Variants in RAB11FIP3 observed in about 807,000 individuals in gnomAD.
RAB11FIP3 encodes rab11 family-interacting protein 3.
A neutral mutation model predicts 77.8 loss-of-function variants in RAB11FIP3; 17 were observed. The observed-to-expected ratio is 0.22, with a 90% CI of 0.15 to 0.33. The LOEUF is 0.33. Ranked by LOEUF, RAB11FIP3 falls within the 10% of genes least tolerant of loss-of-function variation. The probability of loss-of-function intolerance (pLI) is 1.00; values close to 1 mark genes in which losing one functional copy is unlikely to be tolerated. For synonymous variants in RAB11FIP3, 437 were observed against 448.2 expected, an observed-to-expected ratio of 0.98 and a Z score of 0.31; for missense variants, 1,005 against 1,011.2, an observed-to-expected ratio of 0.99 and a Z score of 0.08.
At chr16:452,045 A>T (rs2055417378) in intron 1 of RAB11FIP3, among the ~76,000 whole-genome samples, 1 of 152,140 alleles carries the variant, frequency 6.6e-6, no homozygotes, top group South Asian at 2.1e-4. Flanking sequence ...GCTACTCGGG[A>T]GGCTGATGAG....
chr16:472,055 C>G lies in RAB11FIP3; in HGVS notation c.903+666C>G, dbSNP rs890907170. Among the ~76,000 whole-genome samples the G allele has an allele frequency of 6.6e-6, 1 of 152,170 alleles. No individual in the cohort carries two copies. Among genetic ancestry groups the G allele is most frequent in the Admixed American group, 6.5e-5 (1 of 15,274 alleles). On this transcript the variant is annotated intron_variant, in intron 3 of 13. Coordinates refer to ENST00000262305, the MANE Select transcript of RAB11FIP3 (RefSeq NM_014700.4). This position sits in a 1 kb window ranked among gnomAD's most constrained non-coding sequence, Gnocchi z 4.1. ...CCGCCAGTCCTGGTCAGCCTGCTGC[C>G]GAGCAAGGGTACCAGAAGTGGGGCT...
At chr16:438,464 G>A (rs1214132856) in intron 1 of RAB11FIP3, among the ~76,000 whole-genome samples, 1 of 144,738 alleles carries the variant, frequency 6.9e-6, no homozygotes, top group African/African-American at 2.6e-5. Context: ...GGAGTGCAGT[G>A]GCACTATCTC....
intron 6 of RAB11FIP3, among the ~76,000 whole-genome samples, chr16:500,687 CAAAAAAAAAAAAAAAA>C (rs56771770): frequency 9.0e-5 from 2 of 22,306 alleles, no homozygotes; most frequent in Admixed American, 7.3e-4. Flanking sequence ...GACTCTGTCG[CAAAAAAAAAAAAAAAA>C]AAAAAAAAAA....
chr16:491,441 C>T (rs754749978), intron 5 of RAB11FIP3, among the ~76,000 whole-genome samples: 2 of 151,978 alleles, frequency 1.3e-5, no homozygotes, highest in South Asian at 4.1e-4. Context: ...AGGGCCCTGC[C>T]TCCTCCCCTG....
At chr16:450,305 GACC>G (rs1339088384) in intron 1 of RAB11FIP3, among the ~76,000 whole-genome samples, 1 of 152,046 alleles carries the variant, frequency 6.6e-6, no homozygotes, top group Non-Finnish European at 1.5e-5. Context: ...GAGTAGCTGG[GACC>G]ACAAGCATGC....
At chr16:515,983 C>T (rs188950618) in intron 9 of RAB11FIP3, among the ~76,000 whole-genome samples, 167 of 152,268 alleles carry the variant, frequency 1.1e-3, no homozygotes, top group Non-Finnish European at 1.9e-3. Flanking sequence ...GTCCTCCTGA[C>T]GAACACCTGA....
At chr16:437,351 C>T (rs1484515111) in intron 1 of RAB11FIP3, among the ~76,000 whole-genome samples, 1 of 151,680 alleles carries the variant, frequency 6.6e-6, no homozygotes, top group Non-Finnish European at 1.5e-5. Context: ...GGCGGATCAC[C>T]TGAGGTCAGG....
At chr16:435,033 G>C (rs928702859) in intron 1 of RAB11FIP3, among the ~76,000 whole-genome samples, 1 of 152,002 alleles carries the variant, frequency 6.6e-6, no homozygotes, top group African/African-American at 2.4e-5. Context: ...GTGAAACCCC[G>C]TCTCTACGAA....
intron 8 of RAB11FIP3, 53 bp from the exon 9 acceptor site, chr16:510,607 G>A: frequency 6.5e-6 from 10 of 1,528,784 alleles, no homozygotes; most frequent in Non-Finnish European, 8.8e-6. Context: ...CATGGGTGGA[G>A]CCACTGCACA....
chr16:521,049 C>T lies in RAB11FIP3; in HGVS notation c.*210C>T, dbSNP rs2141916333. 2 of 587,876 alleles carry T rather than the reference C, an allele frequency of 3.4e-6. No homozygotes were observed. Among genetic ancestry groups the T allele is most frequent in the East Asian group, 2.8e-5 (1 of 35,332 alleles). 36.4% of individuals were successfully genotyped at this position (587,876 alleles called of 1,614,324 possible). A position where few individuals can be genotyped will look rare whatever the true frequency, so the allele number is the denominator to read the frequency against. On this transcript the variant is annotated 3_prime_UTR_variant, in exon 14 of 14. Coordinates refer to ENST00000262305, the MANE Select transcript of RAB11FIP3 (RefSeq NM_014700.4). ...GAGAGGAGAGGGAGAAAGGGAAGTCCCAGGGCCCGGGGTCCACAGAGGATG... is the reference window on the plus strand; with the variant it reads ...GAGAGGAGAGGGAGAAAGGGAAGTCTCAGGGCCCGGGGTCCACAGAGGATG...
chr16:428,452 C>T (rs1478580694), intron 1 of RAB11FIP3, among the ~76,000 whole-genome samples: 1 of 152,146 alleles, frequency 6.6e-6, no homozygotes, highest in Non-Finnish European at 1.5e-5. Flanking sequence ...TTCAGTACAG[C>T]AAAGAAGTTA....
intron 6 of RAB11FIP3, among the ~76,000 whole-genome samples, chr16:498,519 G>T (rs1445348174): frequency 2.0e-5 from 3 of 151,982 alleles, no homozygotes; most frequent in African/African-American, 4.8e-5. Context: ...TCTTTTCTTG[G>T]CTTTCTTTTC....
chr16:434,758 G>A (rs1277989575), intron 1 of RAB11FIP3, among the ~76,000 whole-genome samples: 1 of 151,990 alleles, frequency 6.6e-6, no homozygotes, highest in African/African-American at 2.4e-5. Flanking sequence ...CTTGTCCCCA[G>A]GAAGATTCAG....
At chr16:469,224 T>G (rs902886608) in intron 2 of RAB11FIP3, among the ~76,000 whole-genome samples, 2 of 151,836 alleles carry the variant, frequency 1.3e-5, no homozygotes, top group Non-Finnish European at 2.9e-5. Context: ...TACAGGCACA[T>G]ACCACCATGC....
rs373891376 is a variant in RAB11FIP3, at chr16:507,374, A to G, written c.1499+1747A>G. On this transcript the variant is annotated intron_variant, in intron 8 of 13. Transcript: ENST00000262305. This position sits in a 1 kb window ranked among gnomAD's most constrained non-coding sequence, Gnocchi z 4.6. ...GATCTGCCTGCCTCAGCCTCCCAAA[A>G]TGCTGGGATTACAGGCGTGAGCCAC... 3.2e-3 allele frequency among the ~76,000 whole-genome samples: 483 copies of G among 152,166 alleles called. 9 individuals carry two copies. The highest frequency in any genetic ancestry group is 0.011 in the African/African-American group (458 of 41,510).
chr16:450,225 A>G (rs770612725), intron 1 of RAB11FIP3, among the ~76,000 whole-genome samples: 2 of 152,054 alleles, frequency 1.3e-5, no homozygotes, highest in Non-Finnish European at 2.9e-5. Context: ...GCTGGAGTGC[A>G]GTGGAACAAT....
At chr16:447,979 A>T (rs1391366802) in intron 1 of RAB11FIP3, among the ~76,000 whole-genome samples, 2 of 128,442 alleles carry the variant, frequency 1.6e-5, no homozygotes. Context: ...GAACAAAATT[A>T]AAAAAGGAAA....
chr16:426,842 T>A lies in RAB11FIP3; in HGVS notation c.714+122T>A. The stretch of plus-strand genomic sequence containing the variant: ...GAAAGGCACTGTCAAGACCTGACGG[T>A]CCTGCTTTTTCTGCTTATTCACCAC... On this transcript the variant is annotated intron_variant, in intron 1 of 13. Transcript: ENST00000262305. The surrounding 1 kb of genome is among the most constrained non-coding windows in gnomAD (Gnocchi z 5.0). 1.4e-6 allele frequency: 1 copy of A among 690,540 alleles called. No individual in the cohort carries two copies. 42.8% of individuals were successfully genotyped at this position (690,540 alleles called of 1,614,324 possible).
chr16:483,471 C>T (rs1051622339), intron 4 of RAB11FIP3, among the ~76,000 whole-genome samples: 5 of 152,146 alleles, frequency 3.3e-5, no homozygotes, highest in African/African-American at 4.8e-5. Context: ...CTGACAAAGG[C>T]GGACTTTTTA....
Sources: allele counts gnomAD v4.1 joint callset (sites outside exome capture counted in the v4.1 genomes callset), GRCh38; gene constraint gnomAD v4.1.1; non-coding constraint Gnocchi (gnomAD v3.1); transcripts MANE v1.5; gene names NCBI Gene and HGNC (gene_info 2026-07-23, HGNC 2026-07-21).